ATP2B2: variants seen among roughly 807,000 people sequenced by gnomAD.
The protein encoded by ATP2B2 is ATPase plasma membrane Ca2+ transporting 2.
Under a neutral mutation model 120.0 loss-of-function variants are expected in ATP2B2, and 15 were observed. The observed-to-expected ratio is 0.12, with a 90% CI of 0.08 to 0.19. The LOEUF (loss-of-function observed/expected upper bound fraction) is 0.19, where lower values mean the gene tolerates loss of function less well. Ranked by LOEUF, ATP2B2 falls within the 10% of genes least tolerant of loss-of-function variation. ATP2B2 has a pLI of 1.00. For missense variants in ATP2B2, 1,045 were observed against 1,719.8 expected, an observed-to-expected ratio of 0.61 and a Z score of 6.94; for synonymous variants, 694 against 700.3, an observed-to-expected ratio of 0.99 and a Z score of 0.14.
At chr3:10,384,508 A>G (rs1287797975) in intron 8 of ATP2B2, among the ~76,000 whole-genome samples, 1 of 152,150 alleles carries the variant, frequency 6.6e-6, no homozygotes, top group Non-Finnish European at 1.5e-5. Flanking sequence ...GAAATCCGAA[A>G]TCTTCTAAAG....
At chr3:10,364,597 G>A (rs2125469760) in intron 12 of ATP2B2, among the ~76,000 whole-genome samples, 1 of 152,028 alleles carries the variant, frequency 6.6e-6, no homozygotes, top group East Asian at 1.9e-4. Flanking sequence ...TGTAATCCCA[G>A]TTACTCGAGA....
intron 2 of ATP2B2, among the ~76,000 whole-genome samples, chr3:10,438,494 A>G (rs2063548310): frequency 1.3e-5 from 2 of 152,182 alleles, no homozygotes; most frequent in Admixed American, 1.3e-4. Context: ...GACCTCTGAC[A>G]TCTTCTTTGC....
At chr3:10,492,156 G>A (rs968331542) in intron 1 of ATP2B2, among the ~76,000 whole-genome samples, 1 of 151,136 alleles carries the variant, frequency 6.6e-6, no homozygotes, top group Non-Finnish European at 1.5e-5. Context: ...TTGCTGCCTG[G>A]TTTCTTTTCT....
At chr3:10,592,575 A>T (rs955566004) in intron 2 of ATP2B2, among the ~76,000 whole-genome samples, 1 of 152,162 alleles carries the variant, frequency 6.6e-6, no homozygotes, top group African/African-American at 2.4e-5. Context: ...TTTTCCTCCC[A>T]TATCTCCAGG....
chr3:10,621,499 C>G (rs1400683134), intron 1 of ATP2B2, among the ~76,000 whole-genome samples: 1 of 152,210 alleles, frequency 6.6e-6, no homozygotes, highest in African/African-American at 2.4e-5. Flanking sequence ...GATGGGGAAA[C>G]TGAGGTCAGG....
At chr3:10,659,098 T>C (rs2125676962) in intron 1 of ATP2B2, among the ~76,000 whole-genome samples, 1 of 152,138 alleles carries the variant, frequency 6.6e-6, no homozygotes, top group African/African-American at 2.4e-5. Flanking sequence ...AAGGAAGGAC[T>C]AAACATGGAA....
At position 10,385,310 on chromosome 3, in the gene ATP2B2, C is replaced by T. The variant is rs758766390; in HGVS notation, c.958G>A (p.Ala320Thr). ...TTCGCACTATCTGCAGCATTTGAAG[C>T]TGCCGCACCGTCTGCTGCTGCAGGG... ...LQLPAADGAA[A>T]SNAADSANAS... The change falls in exon 8 of 23, where the codon GCT becomes ACT. Residue 320 changes from alanine (A) to threonine (T), a missense_variant. Physicochemically the swap from Ala to Thr is moderately conservative, Grantham distance 58. Coordinates refer to ENST00000360273, the MANE Select transcript of ATP2B2 (RefSeq NM_001001331.4). The T allele has an allele frequency of 6.2e-7, 1 of 1,613,904 alleles. No homozygotes were observed. Among genetic ancestry groups the T allele is most frequent in the Admixed American group, 1.7e-5 (1 of 60,012 alleles).
At chr3:10,654,803 C>T (rs1338542873) in intron 1 of ATP2B2, among the ~76,000 whole-genome samples, 1 of 150,872 alleles carries the variant, frequency 6.6e-6, no homozygotes, top group African/African-American at 2.4e-5. Flanking sequence ...AACGCAGACT[C>T]TGGGGCTCCC....
chr3:10,628,695 A>C (rs967816424), intron 1 of ATP2B2, among the ~76,000 whole-genome samples: 53 of 151,956 alleles, frequency 3.5e-4, no homozygotes, highest in African/African-American at 1.3e-3. Context: ...CCCAAAACCA[A>C]CCTCTTTCCT....
chr3:10,396,247 C>T (rs1030680481), intron 5 of ATP2B2, among the ~76,000 whole-genome samples: 2 of 152,374 alleles, frequency 1.3e-5, no homozygotes, highest in African/African-American at 4.8e-5. Flanking sequence ...GACAGTCACA[C>T]GTGTGCATGC....
rs1159957213 is a variant in ATP2B2 at position 10,402,665 on chromosome 3, A to G, written c.398-317T>C. Among the ~76,000 whole-genome samples, 1 of 152,198 alleles carries G rather than the reference A, an allele frequency of 6.6e-6. No individual in the cohort carries two copies. Among genetic ancestry groups the G allele is most frequent in the South Asian group, 2.1e-4 (1 of 4,828 alleles). ...AGGCAGTCTGGCTTCAGAGCCCACC[A>G]TCTTAGCCCCTTCAGTTTTCTGCCT... On this transcript the variant is annotated intron_variant, in intron 3 of 22. Transcript: ENST00000360273. The surrounding 1 kb of genome is among the most constrained non-coding windows in gnomAD (Gnocchi z 4.9).
intron 2 of ATP2B2, among the ~76,000 whole-genome samples, chr3:10,588,291 G>A (rs2068561644): frequency 6.6e-6 from 1 of 152,192 alleles, no homozygotes; most frequent in Admixed American, 6.5e-5. Flanking sequence ...AATGTCCCTA[G>A]GGGTAAGGGT....
intron 2 of ATP2B2, among the ~76,000 whole-genome samples, chr3:10,565,785 A>C (rs1009311953): frequency 1.4e-4 from 21 of 152,212 alleles, no homozygotes; most frequent in Non-Finnish European, 2.5e-4. Flanking sequence ...CAACAAACGT[A>C]ATACAGTGAT....
At position 10,501,671 on chromosome 3, in the gene ATP2B2, C is replaced by G. The variant is rs144255871; in HGVS notation, c.-320+3794G>C. ...CTCAGGAGGGCCTGATTTAGCTGTG[C>G]AGGGTGAAGCCAGGGGCTAGGGGTT... On this transcript the variant is annotated intron_variant, in intron 1 of 22. Coordinates refer to ENST00000360273, the MANE Select transcript of ATP2B2 (RefSeq NM_001001331.4). Among the ~76,000 whole-genome samples the G allele has an allele frequency of 2.2e-4, 34 of 152,192 alleles. No homozygotes were observed. In the East Asian group the frequency reaches 6.6e-3, roughly 29 times the overall value.
intron 1 of ATP2B2, among the ~76,000 whole-genome samples, chr3:10,495,802 C>T (rs1456361859): frequency 6.6e-6 from 1 of 152,238 alleles, no homozygotes; most frequent in Non-Finnish European, 1.5e-5. Flanking sequence ...GAAACTGAGG[C>T]TCTGGAAGCT....
chr3:10,573,154 T>TTA (rs990008455), intron 2 of ATP2B2, among the ~76,000 whole-genome samples: 22 of 151,474 alleles, frequency 1.5e-4, no homozygotes, highest in Non-Finnish European at 2.9e-4. Flanking sequence ...CAAATACATT[T>TTA]TTTTTTTTTT....
intron 2 of ATP2B2, among the ~76,000 whole-genome samples, chr3:10,555,131 T>C (rs2067750681): frequency 1.3e-5 from 2 of 152,198 alleles, no homozygotes; most frequent in African/African-American, 4.8e-5. Context: ...TCTTTGAAAA[T>C]GGGAATAGCA....
chr3:10,614,196 G>T (rs767909281), intron 2 of ATP2B2, among the ~76,000 whole-genome samples: 3 of 152,004 alleles, frequency 2.0e-5, no homozygotes, highest in African/African-American at 7.3e-5. Flanking sequence ...CTCCCTGAAG[G>T]CAGGAACCAC....
chr3:10,378,696 TGTGA>T (rs2061447130), intron 9 of ATP2B2, among the ~76,000 whole-genome samples: 1 of 152,204 alleles, frequency 6.6e-6, no homozygotes, highest in Non-Finnish European at 1.5e-5. Flanking sequence ...TGAACAAGCC[TGTGA>T]GTCCTACCCT....
Sources: gnomAD v4.1 joint callset for allele counts (sites outside exome capture counted in the v4.1 genomes callset) on GRCh38, gnomAD v4.1.1 for gene constraint, Gnocchi (gnomAD v3.1) non-coding constraint, MANE v1.5 for transcripts, NCBI Gene and HGNC (gene_info 2026-07-23, HGNC 2026-07-21) for gene names.